ANXA4: variants seen among roughly 807,000 people sequenced by gnomAD.
ANXA4 encodes 35-beta calcimedin.
A neutral mutation model predicts 49.8 loss-of-function variants in ANXA4; 39 were observed. The observed-to-expected ratio is 0.78, with a 90% confidence interval of 0.61 to 1.02. The LOEUF (loss-of-function observed/expected upper bound fraction) is 1.02. ANXA4 is among the 50% of genes least tolerant of loss of function. The probability of loss-of-function intolerance (pLI) is 0.00; values close to 1 mark genes in which losing one functional copy is unlikely to be tolerated. For synonymous variants in ANXA4, 134 were observed against 152.5 expected, an observed-to-expected ratio of 0.88 and a Z score of 0.89; for missense variants, 360 against 410.1, an observed-to-expected ratio of 0.88 and a Z score of 1.05.
chr2:69,657,415 T>A (rs1343722375), intron 2 of ANXA4, among the ~76,000 whole-genome samples: 3 of 148,884 alleles, frequency 2.0e-5, no homozygotes, highest in Non-Finnish European at 4.4e-5. Context: ...AATACTGATA[T>A]TATAAAATAA....
chr2:69,773,590 T>C (rs1671822694), intron 1 of ANXA4, among the ~76,000 whole-genome samples: 1 of 151,118 alleles, frequency 6.6e-6, no homozygotes, highest in Non-Finnish European at 1.5e-5. Flanking sequence ...TTTGTTTTAT[T>C]CTCCTTTCTT....
chr2:69,825,955 T>G lies in ANXA4; in HGVS notation c.*440T>G, dbSNP rs1674453290. ...TTTGAAATTGTAAGCATCCGGTCAG[T>G]AAGAATGCCCATCCAGTTTTCTATA... On this transcript the variant is annotated 3_prime_UTR_variant, in exon 13 of 13. Transcript: ENST00000394295. 6.5e-6 allele frequency: 1 copy of G among 152,930 alleles called. No individual in the cohort carries two copies. Among genetic ancestry groups the G allele is most frequent in the Admixed American group, 6.5e-5 (1 of 15,286 alleles). The allele number at this position is 152,930 out of a possible 1,614,324, so 9.5% of individuals were successfully genotyped here. A position where few individuals can be genotyped will look rare whatever the true frequency, so the allele number is the denominator to read the frequency against.
chr2:69,719,945 A>G lies in ANXA4; in HGVS notation n.767-829A>G, dbSNP rs1033099605. Among the ~76,000 whole-genome samples the G allele has an allele frequency of 2.0e-5, 3 of 152,144 alleles. No individual in the cohort carries two copies. The East Asian group carries it at 5.8e-4, about 29-fold the overall frequency. On this transcript the variant is annotated intron_variant and non_coding_transcript_variant, in intron 2 of 3. Coordinates refer to the ANXA4 transcript ENST00000418066. ...CTGGCGAAGTCTTTACCAATTGGCAATAAGCTCTCTGGTTGTCATTACAGT... is the reference window on the plus strand; with the variant it reads ...CTGGCGAAGTCTTTACCAATTGGCAGTAAGCTCTCTGGTTGTCATTACAGT...
intron 2 of ANXA4, among the ~76,000 whole-genome samples, chr2:69,679,978 G>C (rs1677541444): frequency 6.6e-6 from 1 of 151,932 alleles, no homozygotes; most frequent in Non-Finnish European, 1.5e-5. Context: ...GGATTGCTTT[G>C]GCTCTTCAAG....
intron 1 of ANXA4, among the ~76,000 whole-genome samples, chr2:69,770,618 G>A (rs1671666705): frequency 6.6e-6 from 1 of 151,926 alleles, no homozygotes; most frequent in Non-Finnish European, 1.5e-5. Flanking sequence ...CAGTTACCGG[G>A]GTGAATTCAC....
At chr2:69,730,167 G>A (rs550565218) in intron 3 of ANXA4, among the ~76,000 whole-genome samples, 94 of 151,770 alleles carry the variant, frequency 6.2e-4, no homozygotes, top group African/African-American at 2.2e-3. Context: ...TAGTGAGACC[G>A]CACCTCTACT....
At chr2:69,671,025 CAAAAAAAA>C (rs762968256) in intron 2 of ANXA4, among the ~76,000 whole-genome samples, 75 of 32,546 alleles carry the variant, frequency 2.3e-3, no homozygotes, top group African/African-American at 8.3e-3. Context: ...GACTCCATCT[CAAAAAAAA>C]AAAAAAAAAA....
intron 2 of ANXA4, among the ~76,000 whole-genome samples, chr2:69,787,295 CA>C (rs1196564531): frequency 6.6e-6 from 1 of 152,166 alleles, no homozygotes; most frequent in Non-Finnish European, 1.5e-5. Flanking sequence ...TATGGTACTA[CA>C]GGTTCACATT....
rs753026355 is a variant in ANXA4, at chr2:69,806,488, G to C, written c.296G>C (p.Arg99Thr). The C allele has an allele frequency of 1.2e-6, 2 of 1,613,660 alleles. No individual in the cohort carries two copies. The highest frequency in any genetic ancestry group is 1.7e-5 in the Admixed American group (1 of 60,024). Residue 99 changes from arginine (R) to threonine (T), a missense_variant, in exon 5 of 13, where the codon AGG becomes ACG. Coordinates refer to ENST00000394295, the MANE Select transcript of ANXA4 (RefSeq NM_001153.5). ...CTGTATGACGTGCAAGAGCTGCGAA[G>C]GGCCATGAAGGTCTGTGCTCTTCCT... Reference protein sequence around the residue: ...TVLYDVQELRRAMKGAGTDEG... With the variant: ...TVLYDVQELRTAMKGAGTDEG...
chr2:69,669,186 C>G (rs994686640), intron 2 of ANXA4, among the ~76,000 whole-genome samples: 2 of 150,816 alleles, frequency 1.3e-5, no homozygotes, highest in African/African-American at 4.9e-5. Context: ...CTCAGGTGAT[C>G]CACCCGCCTC....
intron 2 of ANXA4, among the ~76,000 whole-genome samples, chr2:69,711,062 G>T (rs1167552445): frequency 6.6e-6 from 1 of 152,060 alleles, no homozygotes; most frequent in Non-Finnish European, 1.5e-5. Context: ...AGGCGTGGTT[G>T]CTCACACCTG....
At chr2:69,754,756 A>G (rs1002697135) in intron 1 of ANXA4, among the ~76,000 whole-genome samples, 2 of 152,214 alleles carry the variant, frequency 1.3e-5, no homozygotes, top group African/African-American at 2.4e-5. Context: ...GGATTTTATC[A>G]TGTGTACCAC....
At chr2:69,694,053 T>A (rs1678070919) in intron 2 of ANXA4, among the ~76,000 whole-genome samples, 1 of 152,186 alleles carries the variant, frequency 6.6e-6, no homozygotes, top group Admixed American at 6.5e-5. Flanking sequence ...CGTATCTGAT[T>A]ATCATGGAAA....
chr2:69,738,208 G>A (rs540586268), upstream of ANXA4, among the ~76,000 whole-genome samples: 4 of 152,234 alleles, frequency 2.6e-5, no homozygotes, highest in South Asian at 8.3e-4. Context: ...CTGAGTGCGT[G>A]TGTAAGTGGG....
rs10166567 is a variant in ANXA4, at chr2:69,780,364, T to G, written c.-46-1156T>G. Reference sequence around the variant, plus strand: ...CGTGTGCCACTACCCCCCAGCTAATTTTTATATTTTTAGTAGAGATGGGGT... The same window carrying G: ...CGTGTGCCACTACCCCCCAGCTAATGTTTATATTTTTAGTAGAGATGGGGT... On this transcript the variant is annotated intron_variant, in intron 1 of 12. Coordinates refer to ENST00000394295, the MANE Select transcript of ANXA4 (RefSeq NM_001153.5). 4.1e-3 allele frequency among the ~76,000 whole-genome samples: 625 copies of G among 152,204 alleles called. 3 individuals carry two copies. The highest frequency in any genetic ancestry group is 0.014 in the African/African-American group (589 of 41,518).
At chr2:69,698,530 G>A (rs1678230166) in intron 2 of ANXA4, among the ~76,000 whole-genome samples, 1 of 152,176 alleles carries the variant, frequency 6.6e-6, no homozygotes, top group African/African-American at 2.4e-5. Context: ...GATAGTGGGA[G>A]CCTAGGGCGG....
intron 2 of ANXA4, among the ~76,000 whole-genome samples, chr2:69,718,896 A>G (rs1345489522): frequency 1.3e-5 from 2 of 152,014 alleles, no homozygotes; most frequent in African/African-American, 4.8e-5. Flanking sequence ...ACACACATGC[A>G]TACACAGCAT....
At chr2:69,817,846 G>T (rs981856287) in intron 9 of ANXA4, 1 of 152,178 alleles carries the variant, frequency 6.6e-6, no homozygotes, top group Admixed American at 6.6e-5. Context: ...GGCCATCCCC[G>T]TGAGCTGCTC....
chr2:69,770,484 GA>G (rs1671661784), intron 1 of ANXA4, among the ~76,000 whole-genome samples: 1 of 152,304 alleles, frequency 6.6e-6, no homozygotes, highest in East Asian at 1.9e-4. Flanking sequence ...GATTCAGTAG[GA>G]ATGTGCCACA....
Sources: gnomAD v4.1 joint callset for allele counts (sites outside exome capture counted in the v4.1 genomes callset) on GRCh38, gnomAD v4.1.1 for gene constraint, MANE v1.5 for transcripts, NCBI Gene and HGNC (gene_info 2026-07-23, HGNC 2026-07-21) for gene names.